DMXL2: variants seen among roughly 807,000 people sequenced by gnomAD.
The protein encoded by DMXL2 is dmX-like protein 2.
Under a neutral mutation model 331.1 loss-of-function variants are expected in DMXL2, and 103 were observed. That is an observed-to-expected ratio of 0.31 (90% CI 0.27 to 0.37). The LOEUF (loss-of-function observed/expected upper bound fraction) is 0.37. Ranked by LOEUF, DMXL2 falls within the 10% of genes least tolerant of loss-of-function variation. The pLI, the probability that DMXL2 is intolerant of heterozygous loss-of-function variation, is 1.00. For missense variants in DMXL2, 3,171 were observed against 3,642.9 expected (o/e 0.87, Z 3.33); for synonymous variants, 1,281 against 1,252.1 (o/e 1.02, Z -0.49).
At chr15:51,563,989 G>C in intron 5 of DMXL2, 136 bp downstream of exon 5, 1 of 874,066 alleles carries the variant, frequency 1.1e-6, no homozygotes, top group South Asian at 1.7e-5. Flanking sequence ...ATGGGTTTTG[G>C]TTAGAAAAAA....
chr15:51,559,115 T>C lies in DMXL2; in HGVS notation c.567+4266A>G, dbSNP rs558127969. Among the ~76,000 whole-genome samples, 7 of 152,294 alleles carry C rather than the reference T, an allele frequency of 4.6e-5. No homozygotes were observed. In the East Asian group the frequency reaches 1.2e-3, roughly 25 times the overall value. On this transcript the variant is annotated intron_variant, in intron 6 of 43. Coordinates refer to ENST00000560891, the MANE Select transcript of DMXL2 (RefSeq NM_001378457.1). ...AGAATCTCACAGTATGAAAAACTTA[T>C]TAAATAGGACTCAGAAAAACACTGA...
chr15:51,613,221 G>T (rs2054090479), intron 1 of DMXL2, among the ~76,000 whole-genome samples: 1 of 152,178 alleles, frequency 6.6e-6, no homozygotes, highest in African/African-American at 2.4e-5. Flanking sequence ...TTAAAGTAAA[G>T]ACAGGCATAG....
chr15:51,484,440 G>A (rs1012998236), intron 23 of DMXL2, among the ~76,000 whole-genome samples: 1 of 152,196 alleles, frequency 6.6e-6, no homozygotes, highest in Non-Finnish European at 1.5e-5. Context: ...CAACTGAGAG[G>A]ATTGCAAATG....
chr15:51,488,163 A>G (rs1390914708), intron 21 of DMXL2, 44 bp from the exon 22 acceptor site: 1 of 1,492,716 alleles, frequency 6.7e-7, no homozygotes, highest in South Asian at 1.4e-5. Flanking sequence ...CCAAATTTAA[A>G]ATGTTCTACA....
chr15:51,459,743 T>A, intron 33 of DMXL2, 83 bp from the exon 34 acceptor site: 1 of 1,275,302 alleles, frequency 7.8e-7, no homozygotes, highest in Non-Finnish European at 1.0e-6. Context: ...CAAGCTGAAA[T>A]GGCCACTCCA....
At chr15:51,594,610 A>G (rs1218490031) in intron 1 of DMXL2, among the ~76,000 whole-genome samples, 1 of 152,130 alleles carries the variant, frequency 6.6e-6, no homozygotes, top group Non-Finnish European at 1.5e-5. Context: ...AGACACAACA[A>G]AAAAAGAGAA....
intron 6 of DMXL2, among the ~76,000 whole-genome samples, chr15:51,556,435 T>C (rs1224581777): frequency 2.0e-5 from 3 of 148,860 alleles, no homozygotes; most frequent in African/African-American, 7.4e-5. Flanking sequence ...GTTCCAGGAA[T>C]ACAAGGTTTA....
At chr15:51,593,559 G>A (rs2052558864) in intron 1 of DMXL2, among the ~76,000 whole-genome samples, 1 of 152,160 alleles carries the variant, frequency 6.6e-6, no homozygotes, top group African/African-American at 2.4e-5. Context: ...TCTGCACCAA[G>A]CAGACCTAAT....
chr15:51,598,934 G>A (rs2053029456), intron 1 of DMXL2, among the ~76,000 whole-genome samples: 1 of 152,136 alleles, frequency 6.6e-6, no homozygotes, highest in Non-Finnish European at 1.5e-5. Flanking sequence ...ATTAGTTTTA[G>A]TACTACTATG....
chr15:51,453,033 G>A (rs1331853342), intron 41 of DMXL2, among the ~76,000 whole-genome samples: 1 of 152,146 alleles, frequency 6.6e-6, no homozygotes, highest in South Asian at 2.1e-4. Flanking sequence ...TGGGAGCTAA[G>A]CTATGAGGAT....
At position 51,614,826 on chromosome 15, in the gene DMXL2, A is replaced by G. The variant is rs187929780; in HGVS notation, c.87+7633T>C. Among the ~76,000 whole-genome samples, 561 of 152,316 alleles carry G rather than the reference A, an allele frequency of 3.7e-3. 5 individuals carry two copies. The highest frequency in any genetic ancestry group is 0.013 in the African/African-American group (536 of 41,564). ...ACGTGAAAGTCTGGAATAAGGGGCT[A>G]ACAAGATTTTATTTGTATTTTAACA... On this transcript the variant is annotated intron_variant, in intron 1 of 43. Coordinates refer to ENST00000560891, the MANE Select transcript of DMXL2 (RefSeq NM_001378457.1).
chr15:51,555,398 G>A (rs1315975440), intron 6 of DMXL2, among the ~76,000 whole-genome samples: 2 of 152,060 alleles, frequency 1.3e-5, no homozygotes, highest in African/African-American at 4.8e-5. Context: ...TCAGGGAAGA[G>A]GTACAGGCAA....
At chr15:51,485,985 A>C (rs2042366426) in intron 23 of DMXL2, 88 bp downstream of exon 23, 2 of 1,365,186 alleles carry the variant, frequency 1.5e-6, no homozygotes, top group Non-Finnish European at 2.0e-6. Context: ...AAATCTGGTA[A>C]TGATTTTTCT....
chr15:51,521,085 TTTAA>T (rs1351205073), intron 13 of DMXL2, among the ~76,000 whole-genome samples: 3 of 151,926 alleles, frequency 2.0e-5, no homozygotes, highest in Non-Finnish European at 4.4e-5. Context: ...TTATATAATA[TTTAA>T]TTAAGTTAAG....
chr15:51,487,936 G>A lies in DMXL2; in HGVS notation c.5217+18C>T. The A allele has an allele frequency of 3.2e-6, 5 of 1,578,604 alleles. No homozygotes were observed. Among genetic ancestry groups the A allele is most frequent in the Non-Finnish European group, 4.3e-6 (5 of 1,165,534 alleles). ...CAATCTTTTACAAGTATTATATAGT[G>A]TGTTTTCTTATTTATACCTCTATGG... On this transcript the variant is annotated intron_variant, in intron 22 of 43. Coordinates refer to ENST00000560891, the MANE Select transcript of DMXL2 (RefSeq NM_001378457.1).
At chr15:51,611,065 A>T (rs1036191378) in intron 1 of DMXL2, among the ~76,000 whole-genome samples, 1 of 152,104 alleles carries the variant, frequency 6.6e-6, no homozygotes, top group Non-Finnish European at 1.5e-5. Context: ...TTAGCTCAAT[A>T]AGGTAGGGGA....
intron 14 of DMXL2, among the ~76,000 whole-genome samples, chr15:51,515,223 GA>G (rs1419729029): frequency 2.0e-5 from 3 of 152,042 alleles, no homozygotes; most frequent in Non-Finnish European, 4.4e-5. Context: ...TGGCTACTTA[GA>G]ACCTTAACAG....
In DMXL2 at chr15:51,605,605, G is replaced by A. The variant is rs1400664641; in HGVS notation, c.87+16854C>T. ...AGGCCGGACTGCGGACTGCAGTGGC[G>A]CAATCTCGGCTCACTGCAAGCTCCG... On this transcript the variant is annotated intron_variant, in intron 1 of 43. Transcript: ENST00000560891. Among the ~76,000 whole-genome samples, 3 of 85,874 alleles carry A rather than the reference G, an allele frequency of 3.5e-5. 1 individual carries two copies. The highest frequency in any genetic ancestry group is 7.4e-5 in the Non-Finnish European group (3 of 40,698). 56.3% of individuals were successfully genotyped at this position (85,874 alleles called of 152,430 possible).
intron 6 of DMXL2, among the ~76,000 whole-genome samples, chr15:51,555,032 CT>C (rs1819671140): frequency 6.6e-6 from 1 of 152,114 alleles, no homozygotes; most frequent in Non-Finnish European, 1.5e-5. Flanking sequence ...GTGGCACACG[CT>C]TGTAATCCCA....
Sources: allele counts gnomAD v4.1 joint callset (sites outside exome capture counted in the v4.1 genomes callset), GRCh38; gene constraint gnomAD v4.1.1; transcripts MANE v1.5; gene names NCBI Gene and HGNC (gene_info 2026-07-23, HGNC 2026-07-21).